RBM33: variants seen among roughly 807,000 people sequenced by gnomAD.
The protein encoded by RBM33 is RNA-binding protein 33.
RBM33 carries 28 observed loss-of-function variants against 132.6 expected under a neutral mutation model. That is an observed-to-expected ratio of 0.21 (90% CI 0.16 to 0.29). The LOEUF (loss-of-function observed/expected upper bound fraction) is 0.29, where lower values mean the gene tolerates loss of function less well. Ranked by LOEUF, RBM33 falls within the 10% of genes least tolerant of loss-of-function variation. RBM33 has a pLI of 1.00. For synonymous variants in RBM33, 634 were observed against 593.0 expected (o/e 1.07, Z -1.01); for missense variants, 1,291 against 1,518.5 (o/e 0.85, Z 2.49).
intron 1 of RBM33, among the ~76,000 whole-genome samples, chr7:155,654,999 T>C (rs1301391425): frequency 6.6e-6 from 1 of 152,246 alleles, no homozygotes; most frequent in African/African-American, 2.4e-5. Flanking sequence ...TATTTCATAA[T>C]GATCATGTAT....
At chr7:155,735,207 C>G (rs111276095) in intron 9 of RBM33, among the ~76,000 whole-genome samples, 357 of 152,256 alleles carry the variant, frequency 2.3e-3, no homozygotes, top group Non-Finnish European at 3.8e-3. Context: ...GAGATATATT[C>G]ATGTTCACAC....
chr7:155,771,798 C>G (rs78766355), intron 16 of RBM33, among the ~76,000 whole-genome samples: 5,222 of 152,104 alleles, frequency 0.034, 303 homozygotes, highest in African/African-American at 0.12. Context: ...GTGGTATGAT[C>G]CTGTGATCAT....
intron 9 of RBM33, among the ~76,000 whole-genome samples, chr7:155,724,996 G>GTT (rs1316463665): frequency 9.4e-6 from 1 of 106,604 alleles, no homozygotes; most frequent in African/African-American, 6.7e-5. Context: ...AGGTTTGTGT[G>GTT]TGTGTGTGTG....
At chr7:155,652,005 A>T (rs547737882) in intron 1 of RBM33, among the ~76,000 whole-genome samples, 1 of 152,320 alleles carries the variant, frequency 6.6e-6, no homozygotes, top group East Asian at 1.9e-4. Flanking sequence ...GCTATTCAGA[A>T]CTTACTAGTT....
intron 16 of RBM33, among the ~76,000 whole-genome samples, chr7:155,773,349 T>C (rs1478500922): frequency 3.3e-5 from 5 of 151,912 alleles, no homozygotes; most frequent in Admixed American, 3.3e-4. Context: ...AGGCGGATCA[T>C]GAGGTCAGAA....
chr7:155,766,416 C>T (rs28529313), intron 15 of RBM33, 51 bp from the exon 16 acceptor site: 3 of 1,579,418 alleles, frequency 1.9e-6, no homozygotes, highest in East Asian at 2.2e-5. Context: ...TAGTGACTAT[C>T]GAAGAAGCTC....
intron 14 of RBM33, among the ~76,000 whole-genome samples, chr7:155,751,417 T>C (rs892072259): frequency 4.6e-5 from 7 of 152,232 alleles, no homozygotes; most frequent in Non-Finnish European, 8.8e-5. Flanking sequence ...ATCTTATCCA[T>C]AGTACATATT....
chr7:155,767,670 G>C (rs769967052), intron 16 of RBM33, among the ~76,000 whole-genome samples: 1 of 152,230 alleles, frequency 6.6e-6, no homozygotes, highest in Non-Finnish European at 1.5e-5. Context: ...TTCCTGGGGA[G>C]ATAGGTTTCA....
intron 9 of RBM33, among the ~76,000 whole-genome samples, chr7:155,735,710 T>G (rs1247463155): frequency 6.9e-6 from 1 of 145,162 alleles, no homozygotes; most frequent in East Asian, 2.1e-4. Flanking sequence ...TCTCTCTCTC[T>G]CTCTCTCTGT....
intron 9 of RBM33, among the ~76,000 whole-genome samples, chr7:155,720,415 A>G (rs186534754): frequency 4.6e-5 from 7 of 152,328 alleles, no homozygotes; most frequent in Admixed American, 3.3e-4. Context: ...GTTTTTAAAA[A>G]GCCCACCAGT....
chr7:155,729,377 A>G (rs1563164120), intron 9 of RBM33, among the ~76,000 whole-genome samples: 1 of 152,164 alleles, frequency 6.6e-6, no homozygotes, highest in Non-Finnish European at 1.5e-5. Context: ...TCCCAGCTGC[A>G]GGGTGAAGAA....
At chr7:155,678,554 A>T in intron 3 of RBM33, 54 bp from the exon 4 acceptor site, 1 of 1,172,362 alleles carries the variant, frequency 8.5e-7, no homozygotes. Flanking sequence ...GTGCTTTTTA[A>T]CAAGTCTTTT....
intron 16 of RBM33, among the ~76,000 whole-genome samples, chr7:155,773,555 G>A (rs571788764): frequency 9.2e-5 from 11 of 119,070 alleles, no homozygotes; most frequent in South Asian, 6.0e-4. Context: ...GCAACAGTGC[G>A]AGACTCCATC....
At chr7:155,754,760 A>G (rs1194794135) in intron 14 of RBM33, among the ~76,000 whole-genome samples, 1 of 152,260 alleles carries the variant, frequency 6.6e-6, no homozygotes, top group Admixed American at 6.5e-5. Context: ...ACCATACCGT[A>G]CTAGAAAGTC....
intron 5 of RBM33, among the ~76,000 whole-genome samples, chr7:155,693,332 C>CTTTTT (rs11417256): frequency 1.4e-5 from 2 of 146,716 alleles, no homozygotes. Context: ...ATTTTTTTTT[C>CTTTTT]TTTTTTTTTT....
At chr7:155,661,034 T>C (rs1798624127) in intron 1 of RBM33, among the ~76,000 whole-genome samples, 1 of 151,904 alleles carries the variant, frequency 6.6e-6, no homozygotes, top group Non-Finnish European at 1.5e-5. Context: ...GAACTCATTT[T>C]AGTTATTTTT....
intron 3 of RBM33, among the ~76,000 whole-genome samples, chr7:155,673,577 CACGTGTATATATATATACACACAT>C (rs1799027850): frequency 1.1e-5 from 1 of 89,708 alleles, no homozygotes; most frequent in Non-Finnish European, 2.2e-5. Flanking sequence ...TATACATACA[CACGTGTATATATATATACACACAT>C]ATACATACAC....
At chr7:155,649,209 A>G (rs571279850) in intron 1 of RBM33, among the ~76,000 whole-genome samples, 2 of 152,280 alleles carry the variant, frequency 1.3e-5, no homozygotes, top group Non-Finnish European at 2.9e-5. Flanking sequence ...GATAATTTCA[A>G]TATTTTCCTG....
chr7:155,661,147 T>TA (rs1491288954), intron 1 of RBM33, among the ~76,000 whole-genome samples: 4,852 of 23,058 alleles, frequency 0.21, 321 homozygotes, highest in Non-Finnish European at 0.27. Flanking sequence ...TATATATATA[T>TA]TTTTTTTTTT....
Sources: allele counts gnomAD v4.1 joint callset (sites outside exome capture counted in the v4.1 genomes callset), GRCh38; gene constraint gnomAD v4.1.1; transcripts MANE v1.5; gene names NCBI Gene and HGNC (gene_info 2026-07-23, HGNC 2026-07-21).